Variants in DLG2 observed in about 807,000 individuals in gnomAD.
The protein encoded by DLG2 is disks large homolog 2.
Under a neutral mutation model 132.5 loss-of-function variants are expected in DLG2, and 45 were observed. That is an observed-to-expected ratio of 0.34 (90% CI 0.27 to 0.44). The LOEUF (loss-of-function observed/expected upper bound fraction) is 0.44. Among genes scored for constraint, DLG2 ranks in the 20% least tolerant of loss-of-function variants. The pLI, the probability that DLG2 is intolerant of heterozygous loss-of-function variation, is 1.00. For missense variants in DLG2, 1,045 were observed against 1,196.9 expected (o/e 0.87, Z 1.87); for synonymous variants, 424 against 419.6 (o/e 1.01, Z -0.13).
chr11:84,376,546 C>T (rs562202447), intron 7 of DLG2, among the ~76,000 whole-genome samples: 15 of 151,924 alleles, frequency 9.9e-5, no homozygotes, highest in African/African-American at 3.6e-4. Context: ...TACTTATATT[C>T]TAGAAAAAGC....
chr11:84,692,121 A>C (rs2058112637), intron 6 of DLG2, among the ~76,000 whole-genome samples: 1 of 151,726 alleles, frequency 6.6e-6, no homozygotes, highest in African/African-American at 2.4e-5. Flanking sequence ...TTCAGCACGC[A>C]GCATGTGTAG....
chr11:85,415,298 T>C (rs777616400), intron 3 of DLG2, among the ~76,000 whole-genome samples: 15 of 152,218 alleles, frequency 9.9e-5, no homozygotes, highest in Non-Finnish European at 2.1e-4. Context: ...TTTGCTATTG[T>C]GAATAGTGCC....
chr11:84,191,867 G>A (rs2096414500), intron 8 of DLG2, among the ~76,000 whole-genome samples: 1 of 151,780 alleles, frequency 6.6e-6, no homozygotes, highest in South Asian at 2.1e-4. Flanking sequence ...AGAACAAACT[G>A]TAATTTGTGT....
intron 6 of DLG2, among the ~76,000 whole-genome samples, chr11:84,543,088 A>C (rs1395025724): frequency 6.6e-6 from 1 of 152,190 alleles, no homozygotes; most frequent in East Asian, 1.9e-4. Flanking sequence ...AAAGAAAACA[A>C]GAGAAGATAA....
At chr11:85,494,035 G>A (rs2093619486) in intron 3 of DLG2, among the ~76,000 whole-genome samples, 1 of 152,088 alleles carries the variant, frequency 6.6e-6, no homozygotes, top group African/African-American at 2.4e-5. Context: ...TGACAGGAGA[G>A]AAAGAAGGGT....
At chr11:83,702,927 G>T (rs533650932) in intron 18 of DLG2, among the ~76,000 whole-genome samples, 1 of 152,344 alleles carries the variant, frequency 6.6e-6, no homozygotes, top group South Asian at 2.1e-4. Context: ...AATATACTCT[G>T]ATGGTAAGGA....
At chr11:83,694,288 C>T (rs767742910) in intron 18 of DLG2, among the ~76,000 whole-genome samples, 8 of 152,112 alleles carry the variant, frequency 5.3e-5, no homozygotes, top group African/African-American at 9.7e-5. Context: ...TCTACCCTTG[C>T]GTGGAAAGAA....
At position 85,031,947 on chromosome 11, in the gene DLG2, CTTTTTTTTTTTT is replaced by C. The variant is rs11389028; in HGVS notation, c.357+79702_357+79713del. Among the ~76,000 whole-genome samples the C allele has an allele frequency of 7.7e-5, 4 of 51,846 alleles. 1 individual carries two copies. The highest frequency in any genetic ancestry group is 2.6e-4 in the African/African-American group (3 of 11,568). 34.0% of individuals were successfully genotyped at this position (51,846 alleles called of 152,430 possible). A position where few individuals can be genotyped will look rare whatever the true frequency, so the allele number is the denominator to read the frequency against. ...TACAAGTGTGTACCCTGACAACTGG[CTTTTTTTTTTTT>C]TTTTTTTTTTTTTTGTATTTTCAGT... On this transcript the variant is annotated intron_variant, in intron 6 of 27. Transcript: ENST00000376104.
At chr11:83,971,737 G>A (rs2091386035) in intron 12 of DLG2, among the ~76,000 whole-genome samples, 1 of 152,094 alleles carries the variant, frequency 6.6e-6, no homozygotes, top group South Asian at 2.1e-4. Flanking sequence ...TCATTAGGTT[G>A]TAAGATAAAT....
At chr11:85,132,637 C>T (rs929951690) in intron 5 of DLG2, 7 of 409,172 alleles carry the variant, frequency 1.7e-5, no homozygotes, top group South Asian at 3.6e-5. Context: ...GAACAAAATG[C>T]CCAGCAAAGT....
chr11:84,962,109 C>T (rs576474451), intron 6 of DLG2, among the ~76,000 whole-genome samples: 4 of 152,264 alleles, frequency 2.6e-5, no homozygotes, highest in Non-Finnish European at 4.4e-5. Context: ...CCAGGCCCCA[C>T]AATGTGCTAA....
intron 3 of DLG2, among the ~76,000 whole-genome samples, chr11:85,461,472 C>T (rs1427562962): frequency 6.6e-6 from 1 of 152,144 alleles, no homozygotes; most frequent in Admixed American, 6.5e-5. Flanking sequence ...TGATCTCTAC[C>T]ATATTTGAGT....
chr11:84,848,590 C>G (rs545442021), intron 6 of DLG2, among the ~76,000 whole-genome samples: 1 of 152,334 alleles, frequency 6.6e-6, no homozygotes, highest in African/African-American at 2.4e-5. Flanking sequence ...ACACCTATCC[C>G]TGTCTCACCA....
At chr11:83,954,522 A>G (rs1050906407) in intron 14 of DLG2, among the ~76,000 whole-genome samples, 3 of 152,122 alleles carry the variant, frequency 2.0e-5, no homozygotes, top group Non-Finnish European at 4.4e-5. Context: ...ACCAGTCTCT[A>G]TGTTGGAGAA....
At chr11:84,307,190 C>T (rs1271117901) in intron 7 of DLG2, among the ~76,000 whole-genome samples, 2 of 152,114 alleles carry the variant, frequency 1.3e-5, no homozygotes, top group Non-Finnish European at 2.9e-5. Flanking sequence ...AAATTATGTC[C>T]TTTGCAGCAA....
At chr11:83,588,368 G>A (rs1251117215) in intron 19 of DLG2, among the ~76,000 whole-genome samples, 1 of 151,788 alleles carries the variant, frequency 6.6e-6, no homozygotes, top group African/African-American at 2.4e-5. Flanking sequence ...CCCCCAGCAG[G>A]GGCACACTGA....
chr11:84,377,915 C>T (rs954938094), intron 7 of DLG2, among the ~76,000 whole-genome samples: 1 of 152,134 alleles, frequency 6.6e-6, no homozygotes, highest in African/African-American at 2.4e-5. Flanking sequence ...TCTAAATGAC[C>T]TTATAGGAAC....
intron 6 of DLG2, among the ~76,000 whole-genome samples, chr11:84,716,071 T>C (rs527535615): frequency 9.2e-5 from 14 of 152,204 alleles, no homozygotes; most frequent in African/African-American, 3.4e-4. Flanking sequence ...TTGACAACAC[T>C]GGTTACCTCT....
intron 8 of DLG2, among the ~76,000 whole-genome samples, chr11:84,233,620 C>T (rs1411201923): frequency 1.3e-5 from 2 of 152,168 alleles, no homozygotes; most frequent in Non-Finnish European, 2.9e-5. Flanking sequence ...ACAAAAAATT[C>T]ATCCCCTGTG....
Sources: gnomAD v4.1 joint callset for allele counts (sites outside exome capture counted in the v4.1 genomes callset) on GRCh38, gnomAD v4.1.1 for gene constraint, MANE v1.5 for transcripts, NCBI Gene and HGNC (gene_info 2026-07-23, HGNC 2026-07-21) for gene names.